Variants in RNMT observed in about 807,000 individuals in gnomAD.
The protein encoded by RNMT is RNA guanine-7 methyltransferase, also known as mRNA cap guanine-N(7) methyltransferase.
In RNMT, 27 loss-of-function variants were observed where a neutral mutation model predicts 56.0. The observed-to-expected ratio is 0.48, with a 90% CI of 0.36 to 0.67. RNMT has a LOEUF of 0.67. RNMT is among the 30% of genes least tolerant of loss of function. The probability of loss-of-function intolerance (pLI) is 0.00; values close to 1 mark genes in which losing one functional copy is unlikely to be tolerated. For synonymous variants in RNMT, 184 were observed against 176.2 expected, an observed-to-expected ratio of 1.04 and a Z score of -0.35; for missense variants, 519 against 552.1, an observed-to-expected ratio of 0.94 and a Z score of 0.60.
At chr18:13,743,250 G>A (rs1418201040) in intron 8 of RNMT, among the ~76,000 whole-genome samples, 8 of 150,284 alleles carry the variant, frequency 5.3e-5, no homozygotes, top group Admixed American at 4.7e-4. Flanking sequence ...ATGAACCCGG[G>A]AGGCGGAGCT....
At chr18:13,744,156 C>CTTTTTTTTTTTT (rs1555794897) in intron 8 of RNMT, among the ~76,000 whole-genome samples, 29 of 25,962 alleles carry the variant, frequency 1.1e-3, no homozygotes, top group African/African-American at 3.7e-3. Flanking sequence ...ACCTAGCGGT[C>CTTTTTTTTTTTT]TTCTTTTTTT....
chr18:13,753,349 C>A (rs1004629009), intron 10 of RNMT, among the ~76,000 whole-genome samples: 3 of 152,154 alleles, frequency 2.0e-5, no homozygotes, highest in Non-Finnish European at 4.4e-5. Context: ...CCTATAGTCC[C>A]AGCTACTTGT....
chr18:13,763,012 C>T lies in RNMT; in HGVS notation c.*3033C>T. 2.2e-6 allele frequency: 1 copy of T among 449,452 alleles called. No homozygotes were observed. Among genetic ancestry groups the T allele is most frequent in the South Asian group, 1.6e-5 (1 of 63,836 alleles). The allele number at this position is 449,452 out of a possible 1,614,324, so 27.8% of individuals were successfully genotyped here. Reference sequence around the variant, plus strand: ...TGCATTTGGGTTATCTCAAGCCAGTCACCACAGAGGGTCTCTAGGGTCTGC... The same window carrying T: ...TGCATTTGGGTTATCTCAAGCCAGTTACCACAGAGGGTCTCTAGGGTCTGC... On this transcript the variant is annotated 3_prime_UTR_variant, in exon 12 of 12. Coordinates refer to ENST00000383314, the MANE Select transcript of RNMT (RefSeq NM_003799.3).
At chr18:13,742,808 A>T (rs1214041569) in intron 8 of RNMT, 156 bp downstream of exon 8, 2 of 553,950 alleles carry the variant, frequency 3.6e-6, no homozygotes, top group Admixed American at 3.9e-5. Context: ...AAAAAAAAAC[A>T]AAACAAGACT....
At position 13,761,057 on chromosome 18, in the gene RNMT, ATTC is replaced by A; in HGVS notation, c.*1081_*1083del. The A allele has an allele frequency of 2.2e-5, 22 of 985,340 alleles. No individual in the cohort carries two copies. The highest frequency in any genetic ancestry group is 2.7e-5 in the Non-Finnish European group (22 of 829,808). 61.0% of individuals were successfully genotyped at this position (985,340 alleles called of 1,614,324 possible). A position where few individuals can be genotyped will look rare whatever the true frequency, so the allele number is the denominator to read the frequency against. ...CAAGAATGAAGCAGAGCAATTGAGT[ATTC>A]TTTTTTAAATTATTAAGCCATGATT... is the stretch of plus-strand genomic sequence containing the variant. On this transcript the variant is annotated 3_prime_UTR_variant, in exon 12 of 12. Coordinates refer to ENST00000383314, the MANE Select transcript of RNMT (RefSeq NM_003799.3).
In RNMT at chr18:13,760,817, C is replaced by G; in HGVS notation, c.*838C>G. ...CATGGAACTGCAGTAGGAATATTCT[C>G]ACCATCTGATGCCATGTACCCACTT... On this transcript the variant is annotated 3_prime_UTR_variant, in exon 12 of 12. Transcript: ENST00000383314. 1 of 985,468 alleles carries G rather than the reference C, an allele frequency of 1.0e-6. No homozygotes were observed. 61.0% of individuals were successfully genotyped at this position (985,468 alleles called of 1,614,324 possible).
chr18:13,746,470 G>A, intron 9 of RNMT, 133 bp downstream of exon 9: 2 of 672,522 alleles, frequency 3.0e-6, no homozygotes, highest in Non-Finnish European at 5.4e-6. Context: ...GACGGAGCTT[G>A]ATACAGAAAC....
In RNMT at chr18:13,731,657, C is replaced by T. The variant is rs138155222; in HGVS notation, c.140C>T (p.Thr47Ile). 6.2e-7 allele frequency: 1 copy of T among 1,614,072 alleles called. No individual in the cohort carries two copies. Among genetic ancestry groups the T allele is most frequent in the Admixed American group, 1.7e-5 (1 of 60,006 alleles). ...TASGTGLSEKTSVCRQVDIAR... is the reference protein window; with the variant it reads ...TASGTGLSEKISVCRQVDIAR... ...TCTGGGACTGGGCTTTCTGAAAAGA[C>T]TTCTGTCTGTAGGCAAGTAGACATA... The change falls in exon 3 of 12, where the codon ACT (threonine) becomes ATT (isoleucine). Residue 47 changes from threonine (T) to isoleucine (I), a missense_variant. By Grantham distance (89) the Thr-to-Ile change is moderately conservative (BLOSUM62 -1). Coordinates refer to ENST00000383314, the MANE Select transcript of RNMT (RefSeq NM_003799.3).
chr18:13,761,858 G>GC lies in RNMT; in HGVS notation c.*1883dup. 8 of 422,760 alleles carry GC rather than the reference G, an allele frequency of 1.9e-5. No homozygotes were observed. Among genetic ancestry groups the GC allele is most frequent in the South Asian group, 1.3e-4 (2 of 14,980 alleles). The allele number at this position is 422,760 out of a possible 1,614,324, so 26.2% of individuals were successfully genotyped here. On this transcript the variant is annotated 3_prime_UTR_variant, in exon 12 of 12. Coordinates refer to ENST00000383314, the MANE Select transcript of RNMT (RefSeq NM_003799.3). ...ACCACCCTACACCCCCCTCCCCCCG[G>GC]CCCCAAGCCCCTGTGTCTCCTTGTT... is the stretch of plus-strand genomic sequence containing the variant.
chr18:13,743,344 ATAAAT>A lies in RNMT; in HGVS notation c.1139+693_1139+697del, dbSNP rs1568505853. Among the ~76,000 whole-genome samples the A allele has an allele frequency of 1.8e-3, 186 of 102,424 alleles. 5 individuals carry two copies. Among genetic ancestry groups the A allele is most frequent in the South Asian group, 7.7e-3 (27 of 3,506 alleles). The allele number at this position is 102,424 out of a possible 152,430, so 67.2% of individuals were successfully genotyped here. A position where few individuals can be genotyped will look rare whatever the true frequency, so the allele number is the denominator to read the frequency against. The stretch of plus-strand genomic sequence containing the variant: ...TCTCAAAAAAAAAATAAATAAATAA[ATAAAT>A]AAATAAATAAATAAATAAATAAATC... On this transcript the variant is annotated intron_variant, in intron 8 of 11. Transcript: ENST00000383314.
intron 8 of RNMT, among the ~76,000 whole-genome samples, chr18:13,744,685 C>T (rs776866757): frequency 1.3e-5 from 2 of 152,202 alleles, no homozygotes; most frequent in Non-Finnish European, 2.9e-5. Context: ...TCCTGCCTTA[C>T]GTATACCTCT....
intron 11 of RNMT, 115 bp from the exon 12 acceptor site, chr18:13,759,827 C>G: frequency 1.2e-6 from 1 of 805,036 alleles, no homozygotes; most frequent in Non-Finnish European, 2.0e-6. Flanking sequence ...TGGGGATTTT[C>G]CTCTTCAGAA....
chr18:13,764,336 A>G lies in RNMT; in HGVS notation c.*4357A>G, dbSNP rs2044654081. On this transcript the variant is annotated 3_prime_UTR_variant, in exon 12 of 12. Coordinates refer to ENST00000383314, the MANE Select transcript of RNMT (RefSeq NM_003799.3). ...CCGTCAGATTCCCTTCCAGTTAACTACCTCTCCAAGGGAAACCACTATCCT... is the reference window on the plus strand; with the variant it reads ...CCGTCAGATTCCCTTCCAGTTAACTGCCTCTCCAAGGGAAACCACTATCCT... The G allele has an allele frequency of 6.6e-6, 1 of 152,148 alleles. No homozygotes were observed. Among genetic ancestry groups the G allele is most frequent in the South Asian group, 2.1e-4 (1 of 4,826 alleles). The allele number at this position is 152,148 out of a possible 1,614,324, so 9.4% of individuals were successfully genotyped here.
intron 11 of RNMT, among the ~76,000 whole-genome samples, chr18:13,756,540 G>A (rs993976860): frequency 1.3e-5 from 2 of 152,202 alleles, no homozygotes; most frequent in Non-Finnish European, 2.9e-5. Flanking sequence ...TGTGTTGCAA[G>A]TGCTGGGGAC....
In RNMT at chr18:13,761,860, C is replaced by CGA; in HGVS notation, c.*1881_*1882insGA. ...CACCCTACACCCCCCTCCCCCCGGC[C>CGA]CCAAGCCCCTGTGTCTCCTTGTTAC... On this transcript the variant is annotated 3_prime_UTR_variant, in exon 12 of 12. Coordinates refer to ENST00000383314, the MANE Select transcript of RNMT (RefSeq NM_003799.3). The CGA allele has an allele frequency of 8.7e-7, 1 of 1,144,514 alleles. No homozygotes were observed. Among genetic ancestry groups the CGA allele is most frequent in the South Asian group, 2.9e-5 (1 of 34,636 alleles). 70.9% of individuals were successfully genotyped at this position (1,144,514 alleles called of 1,614,324 possible).
Position 13,761,925 on chromosome 18 carries a change from G to A in RNMT, c.*1946G>A, listed in dbSNP as rs2044625249. 3.1e-6 allele frequency: 4 copies of A among 1,311,274 alleles called. No homozygotes were observed. The African/African-American group carries it at 6.2e-5, about 20-fold the overall frequency. 81.2% of individuals were successfully genotyped at this position (1,311,274 alleles called of 1,614,324 possible). On this transcript the variant is annotated 3_prime_UTR_variant, in exon 12 of 12. Transcript: ENST00000383314. ...ATATTGACTTAAGAACTGTTAGGAA[G>A]AGGACTAGAAAAGGCTTCCCCTGCC...
rs1568508632 is a variant in RNMT at position 13,746,679 on chromosome 18, A to ATTCC, written c.1257+343_1257+344insTCCT. On this transcript the variant is annotated intron_variant, in intron 9 of 11. Transcript: ENST00000383314. ...AGCATTCCTGGCTTCTACGCACTAGATGCCTTCCAGTAACACTCTTGTCCC... is the reference window on the plus strand; with the variant it reads ...AGCATTCCTGGCTTCTACGCACTAGATTCCTGCCTTCCAGTAACACTCTTGTCCC... Among the ~76,000 whole-genome samples the ATTCC allele has an allele frequency of 1.8e-4, 27 of 152,314 alleles. No individual in the cohort carries two copies. In the South Asian group the frequency reaches 4.8e-3, roughly 27 times the overall value.
intron 4 of RNMT, 34 bp from the exon 5 acceptor site, chr18:13,736,976 A>C: frequency 6.3e-7 from 1 of 1,590,932 alleles, no homozygotes; most frequent in Non-Finnish European, 8.6e-7. Context: ...ATTGAAGAAG[A>C]GGTAGTTTAT....
chr18:13,740,113 C>G, intron 5 of RNMT, 54 bp from the exon 6 acceptor site: 1 of 1,052,478 alleles, frequency 9.5e-7, no homozygotes, highest in Non-Finnish European at 1.5e-6. Context: ...AGATCAATGT[C>G]TAGATTTCTG....
Sources: allele counts gnomAD v4.1 joint callset (sites outside exome capture counted in the v4.1 genomes callset), GRCh38; gene constraint gnomAD v4.1.1; transcripts MANE v1.5; gene names NCBI Gene and HGNC (gene_info 2026-07-23, HGNC 2026-07-21).